Variants in CR1L observed in about 807,000 individuals in gnomAD.
CR1L encodes the protein complement component receptor 1-like protein.
CR1L carries 59 observed loss-of-function variants against 62.3 expected under a neutral mutation model. That is an observed-to-expected ratio of 0.95 (90% confidence interval 0.77 to 1.18). The LOEUF is 1.18. CR1L is among the 50% of genes most tolerant of loss of function. The pLI, the probability that CR1L is intolerant of heterozygous loss-of-function variation, is 0.00. For synonymous variants in CR1L, 279 were observed against 248.7 expected, an observed-to-expected ratio of 1.12 and a Z score of -1.15; for missense variants, 700 against 702.8, an observed-to-expected ratio of 1.00 and a Z score of 0.04.
chr1:207,699,536 A>C (rs768078678), intron 8 of CR1L, among the ~76,000 whole-genome samples: 1 of 152,208 alleles, frequency 6.6e-6, no homozygotes, highest in African/African-American at 2.4e-5. Flanking sequence ...AGGAGAGATT[A>C]GATAATGTGA....
chr1:207,645,342 G>A lies in CR1L; in HGVS notation c.97+12G>A. 1.2e-6 allele frequency: 2 copies of A among 1,613,870 alleles called. No homozygotes were observed. The highest frequency in any genetic ancestry group is 1.7e-6 in the Non-Finnish European group (2 of 1,179,838). ...GTCCTCCTTCTCCGGTAGGACCCCG[G>A]GGTGGATTCGCGCGTCCGCGGCGAG... is the stretch of plus-strand genomic sequence containing the variant. On this transcript the variant is annotated intron_variant, in intron 1 of 11. Coordinates refer to ENST00000508064, the MANE Select transcript of CR1L (RefSeq NM_175710.2).
At chr1:207,715,567 T>A (rs925450902) in intron 10 of CR1L, among the ~76,000 whole-genome samples, 1 of 152,252 alleles carries the variant, frequency 6.6e-6, no homozygotes, top group Non-Finnish European at 1.5e-5. Context: ...CTGACATTTG[T>A]TACTAATCTG....
At chr1:207,645,886 G>T (rs1488762134) in intron 1 of CR1L, among the ~76,000 whole-genome samples, 2 of 152,220 alleles carry the variant, frequency 1.3e-5, no homozygotes, top group African/African-American at 4.8e-5. Context: ...CTGGGAGCGT[G>T]CTGTGCGCAA....
At chr1:207,693,753 CT>C (rs947706172) in intron 4 of CR1L, among the ~76,000 whole-genome samples, 793 of 145,158 alleles carry the variant, frequency 5.5e-3, no homozygotes, top group African/African-American at 0.017. Flanking sequence ...TAGAGCTTAT[CT>C]TTTTTTTTTT....
At chr1:207,689,889 T>C (rs1235145422) in intron 4 of CR1L, among the ~76,000 whole-genome samples, 1 of 152,080 alleles carries the variant, frequency 6.6e-6, no homozygotes, top group African/African-American at 2.4e-5. Context: ...TTCTAGGTTA[T>C]TAGCATAATG....
chr1:207,645,262 C>G lies in CR1L; in HGVS notation c.29C>G (p.Pro10Arg). The change falls in exon 1 of 12, where the codon CCC (proline) becomes CGC (arginine). Residue 10 changes from proline (P) to arginine (R), a missense_variant. Physicochemically the swap from Pro to Arg is moderately radical, Grantham distance 103. Transcript: ENST00000508064. ...GCGCCTCCCGTCCGTCTCGAGCGTCCCTTTCCTTCCCGGCGCTTTCCTGGG... is the reference window on the plus strand; with the variant it reads ...GCGCCTCCCGTCCGTCTCGAGCGTCGCTTTCCTTCCCGGCGCTTTCCTGGG... MAPPVRLER[P>R]FPSRRFPGLL... is the part of the protein sequence containing the mutation. 3.7e-6 allele frequency: 6 copies of G among 1,613,690 alleles called. No homozygotes were observed. Among genetic ancestry groups the G allele is most frequent in the Non-Finnish European group, 5.1e-6 (6 of 1,180,024 alleles).
At chr1:207,712,162 C>T (rs953894100) in intron 10 of CR1L, among the ~76,000 whole-genome samples, 1 of 152,200 alleles carries the variant, frequency 6.6e-6, no homozygotes, top group African/African-American at 2.4e-5. Context: ...GCATGCCTGT[C>T]CCCAAACAGT....
rs545617579 is a variant in CR1L, at chr1:207,670,523, A to G, written c.98-6866A>G. ...TCCCCAGAAGTCTTCTTGGTTGCCT[A>G]GACTCACTGGCAACATCTCACTTGA... On this transcript the variant is annotated intron_variant, in intron 1 of 11. Coordinates refer to ENST00000508064, the MANE Select transcript of CR1L (RefSeq NM_175710.2). Among the ~76,000 whole-genome samples, 65 of 151,044 alleles carry G rather than the reference A, an allele frequency of 4.3e-4. 1 individual carries two copies. Among genetic ancestry groups the G allele is most frequent in the Admixed American group, 3.2e-3 (49 of 15,260 alleles).
At chr1:207,700,710 A>G (rs1185637466) in intron 8 of CR1L, among the ~76,000 whole-genome samples, 3 of 151,368 alleles carry the variant, frequency 2.0e-5, no homozygotes, top group African/African-American at 7.2e-5. Flanking sequence ...CCTATTTAAG[A>G]TGATTAGCAC....
intron 4 of CR1L, among the ~76,000 whole-genome samples, chr1:207,684,412 C>T (rs1663862612): frequency 6.6e-6 from 1 of 152,186 alleles, no homozygotes; most frequent in Non-Finnish European, 1.5e-5. Flanking sequence ...GTATTTTAAC[C>T]TACTTCTTAG....
intron 11 of CR1L, among the ~76,000 whole-genome samples, chr1:207,719,373 G>A (rs1251186486): frequency 6.6e-6 from 1 of 151,904 alleles, no homozygotes; most frequent in East Asian, 1.9e-4. Flanking sequence ...GGTAGCAGTA[G>A]TGGTGGTTGT....
chr1:207,669,610 AC>A, intron 1 of CR1L: 1 of 1,179,846 alleles, frequency 8.5e-7, no homozygotes, highest in Non-Finnish European at 1.2e-6. Context: ...CTGACGAGGC[AC>A]CCAGGGCCCC....
intron 10 of CR1L, among the ~76,000 whole-genome samples, chr1:207,715,118 C>T (rs996433722): frequency 1.3e-5 from 2 of 152,106 alleles, no homozygotes; most frequent in African/African-American, 2.4e-5. Flanking sequence ...AATAAATTGG[C>T]CTTTGAGTTT....
In CR1L at chr1:207,723,624, A is replaced by G. The variant is rs1654185789; in HGVS notation, c.1649A>G (p.His550Arg). The change falls in exon 12 of 12, where the codon CAT becomes CGT. Residue 550 changes from histidine to arginine, a missense_variant. Transcript: ENST00000508064. Reference protein sequence around the residue: ...RCELPVGAGSHDALIVGKFYE... With the variant: ...RCELPVGAGSRDALIVGKFYE... ...ACTTTTGTCTTCCTTTTAGGTTCAC[A>G]TGATGCTCTTATAGTTGGTAAGTTT... 2.5e-6 allele frequency: 4 copies of G among 1,596,132 alleles called. No homozygotes were observed. The Admixed American group carries it at 5.2e-5, about 21-fold the overall frequency.
chr1:207,673,604 C>A (rs1163980871), intron 1 of CR1L, among the ~76,000 whole-genome samples: 1 of 152,146 alleles, frequency 6.6e-6, no homozygotes, highest in Non-Finnish European at 1.5e-5. Flanking sequence ...CAAGAAAAAA[C>A]CCGAAATGAG....
intron 1 of CR1L, among the ~76,000 whole-genome samples, chr1:207,676,761 T>C (rs891524555): frequency 6.6e-6 from 1 of 152,076 alleles, no homozygotes; most frequent in African/African-American, 2.4e-5. Context: ...TTCAAATGAT[T>C]CTCCTGCCTC....
intron 3 of CR1L, among the ~76,000 whole-genome samples, chr1:207,680,383 A>G (rs1663776887): frequency 6.6e-6 from 1 of 152,232 alleles, no homozygotes; most frequent in African/African-American, 2.4e-5. Context: ...AAATTTGAAC[A>G]AAACTGGTGG....
intron 1 of CR1L, among the ~76,000 whole-genome samples, chr1:207,668,197 G>A (rs1663551691): frequency 6.6e-6 from 1 of 151,020 alleles, no homozygotes; most frequent in African/African-American, 2.5e-5. Context: ...AAACCAGTAT[G>A]ATGAAAAGAT....
intron 10 of CR1L, among the ~76,000 whole-genome samples, chr1:207,710,164 C>T (rs951821029): frequency 1.3e-5 from 2 of 152,052 alleles, no homozygotes; most frequent in Non-Finnish European, 2.9e-5. Flanking sequence ...GCCAACATGA[C>T]CAAACCCCAA....
Sources: gnomAD v4.1 joint callset for allele counts (sites outside exome capture counted in the v4.1 genomes callset) on GRCh38, gnomAD v4.1.1 for gene constraint, MANE v1.5 for transcripts, NCBI Gene and HGNC (gene_info 2026-07-23, HGNC 2026-07-21) for gene names.